Variants in SCHIP1 observed in about 807,000 individuals in gnomAD.
SCHIP1 encodes schwannomin interacting protein 1, also known as schwannomin-interacting protein 1.
SCHIP1 carries 8 observed loss-of-function variants against 29.7 expected under a neutral mutation model. The observed-to-expected ratio is 0.27, with a 90% CI of 0.16 to 0.49. The LOEUF is 0.49. SCHIP1 is among the 20% of genes least tolerant of loss of function. The pLI, the probability that SCHIP1 is intolerant of heterozygous loss-of-function variation, is 0.99. For synonymous variants in SCHIP1, 76 were observed against 94.9 expected (o/e 0.80, Z 1.16); for missense variants, 193 against 294.6 (o/e 0.66, Z 2.52).
At chr3:159,791,091 A>G in the SCHIP1 span, among the ~76,000 whole-genome samples, 1 of 152,164 alleles carries the variant, frequency 6.6e-6, no homozygotes, top group Non-Finnish European at 1.5e-5. Flanking sequence ...AGATAACCTA[A>G]GGCAAGGGGA....
At chr3:159,739,842 G>A in the SCHIP1 span, among the ~76,000 whole-genome samples, 1 of 152,214 alleles carries the variant, frequency 6.6e-6, no homozygotes, top group Non-Finnish European at 1.5e-5. Context: ...TACTAAACCG[G>A]TGCCTAATTA....
At chr3:159,811,969 T>TG in the SCHIP1 span, among the ~76,000 whole-genome samples, 933 of 82,074 alleles carry the variant, frequency 0.011, 8 homozygotes, top group African/African-American at 0.047. Flanking sequence ...GTTTTTTTTG[T>TG]TTTTGTTTTT....
chr3:159,667,159 G>A, the SCHIP1 span, among the ~76,000 whole-genome samples: 1 of 152,188 alleles, frequency 6.6e-6, no homozygotes, highest in Non-Finnish European at 1.5e-5. Flanking sequence ...TAGATCGGAT[G>A]CTAGAGCTAT....
chr3:159,709,854 A>G, the SCHIP1 span, among the ~76,000 whole-genome samples: 11 of 152,246 alleles, frequency 7.2e-5, no homozygotes, highest in Non-Finnish European at 1.6e-4. Flanking sequence ...TCTTGTTACA[A>G]GAAGATTTAA....
At chr3:159,616,879 C>CATTT in the SCHIP1 span, among the ~76,000 whole-genome samples, 1 of 151,888 alleles carries the variant, frequency 6.6e-6, no homozygotes, top group African/African-American at 2.4e-5. Flanking sequence ...GGTCCCTAGC[C>CATTT]ACATGTAGCC....
At chr3:159,456,293 G>C in the SCHIP1 span, among the ~76,000 whole-genome samples, 1 of 151,012 alleles carries the variant, frequency 6.6e-6, no homozygotes, top group South Asian at 2.1e-4. Context: ...AAGCATTTCT[G>C]TGTCTTTTCT....
At chr3:159,332,041 C>T in the SCHIP1 span, among the ~76,000 whole-genome samples, 5 of 152,174 alleles carry the variant, frequency 3.3e-5, no homozygotes, top group African/African-American at 1.2e-4. Context: ...TCACCTTCCC[C>T]ATCCCAAGCT....
At chr3:159,841,740 A>G (rs941690032) in intron 1 of SCHIP1, among the ~76,000 whole-genome samples, 6 of 152,180 alleles carry the variant, frequency 3.9e-5, no homozygotes, top group Admixed American at 3.9e-4. Flanking sequence ...AAGGAAGATA[A>G]ATTGATTTTA....
the SCHIP1 span, among the ~76,000 whole-genome samples, chr3:159,396,512 C>A: frequency 1.4e-5 from 2 of 147,068 alleles, no homozygotes; most frequent in Non-Finnish European, 1.5e-5. Context: ...TTAGGGCAGG[C>A]CTGGTGGTGA....
chr3:159,561,969 G>A, the SCHIP1 span, among the ~76,000 whole-genome samples: 1 of 152,226 alleles, frequency 6.6e-6, no homozygotes, highest in Non-Finnish European at 1.5e-5. Context: ...AAAAGCAGAA[G>A]GAATTATTTT....
chr3:159,784,941 C>T, the SCHIP1 span, among the ~76,000 whole-genome samples: 2 of 152,226 alleles, frequency 1.3e-5, no homozygotes, highest in Non-Finnish European at 2.9e-5. Flanking sequence ...GCGTGAGCCA[C>T]TGCGCCTGGC....
the SCHIP1 span, among the ~76,000 whole-genome samples, chr3:159,332,418 A>G: frequency 3.3e-5 from 5 of 152,314 alleles, no homozygotes; most frequent in Admixed American, 2.0e-4. Context: ...CCAAGTCCAT[A>G]TTCTTTCCAT....
the SCHIP1 span, among the ~76,000 whole-genome samples, chr3:159,277,075 A>T: frequency 4.6e-5 from 7 of 152,036 alleles, no homozygotes; most frequent in Non-Finnish European, 8.8e-5. Flanking sequence ...AACATTCTGG[A>T]TTGACCTCAG....
At chr3:159,460,297 G>A in the SCHIP1 span, among the ~76,000 whole-genome samples, 1 of 152,148 alleles carries the variant, frequency 6.6e-6, no homozygotes, top group South Asian at 2.1e-4. Context: ...CTGAGGGTGG[G>A]TGAGGTCAGT....
At chr3:159,535,057 G>A in the SCHIP1 span, among the ~76,000 whole-genome samples, 10 of 152,152 alleles carry the variant, frequency 6.6e-5, no homozygotes, top group Admixed American at 2.0e-4. Flanking sequence ...ACTGTGAAAT[G>A]AGTACAATAT....
chr3:159,396,139 C>T, the SCHIP1 span, among the ~76,000 whole-genome samples: 162 of 138,540 alleles, frequency 1.2e-3, no homozygotes, highest in Non-Finnish European at 1.9e-3. Context: ...ACTAGGATTC[C>T]AACCCCTGCC....
At chr3:159,611,881 TCTC>T in the SCHIP1 span, among the ~76,000 whole-genome samples, 1 of 152,040 alleles carries the variant, frequency 6.6e-6, no homozygotes, top group Admixed American at 6.6e-5. Flanking sequence ...ACTCCACTCC[TCTC>T]CTCGGTGTCT....
the SCHIP1 span, among the ~76,000 whole-genome samples, chr3:159,691,952 T>C: frequency 6.6e-6 from 1 of 151,890 alleles, no homozygotes; most frequent in Non-Finnish European, 1.5e-5. Context: ...GCTTGTAGGG[T>C]TTCTGCAGAG....
the SCHIP1 span, among the ~76,000 whole-genome samples, chr3:159,528,816 A>C: frequency 2.0e-5 from 3 of 152,178 alleles, no homozygotes; most frequent in African/African-American, 7.2e-5. Flanking sequence ...GCAAAATCTA[A>C]TTTGGTTCTG....
Sources: allele counts gnomAD v4.1 joint callset (sites outside exome capture counted in the v4.1 genomes callset), GRCh38; gene constraint gnomAD v4.1.1; transcripts MANE v1.5; gene names NCBI Gene and HGNC (gene_info 2026-07-23, HGNC 2026-07-21).